KCNAB2: variants seen among roughly 807,000 people sequenced by gnomAD.
The protein encoded by KCNAB2 is voltage-gated potassium channel subunit beta-2.
In KCNAB2, 29 loss-of-function variants were observed where a neutral mutation model predicts 63.6. The observed-to-expected ratio is 0.46, with a 90% CI of 0.34 to 0.62. The LOEUF is 0.62. Among genes scored for constraint, KCNAB2 ranks in the 20% least tolerant of loss-of-function variants. The pLI, the probability that KCNAB2 is intolerant of heterozygous loss-of-function variation, is 0.01. For synonymous variants in KCNAB2, 222 were observed against 224.2 expected (o/e 0.99, Z 0.09); for missense variants, 359 against 563.9 (o/e 0.64, Z 3.68).
chr1:6,012,042 G>A (rs1187330621), intron 1 of KCNAB2, among the ~76,000 whole-genome samples: 1 of 151,976 alleles, frequency 6.6e-6, no homozygotes, highest in African/African-American at 2.4e-5. Context: ...GGTGAAAGTG[G>A]AGGTGGTGGG....
In KCNAB2 at chr1:6,099,087, TG is replaced by T. The variant is rs1256145957; in HGVS notation, c.*518del. On this transcript the variant is annotated 3_prime_UTR_variant, in exon 16 of 16. Coordinates refer to ENST00000378083, the MANE Select transcript of KCNAB2 (RefSeq NM_001199862.2). ...GGTTGCTGGGGCAGGGCCTCCCCAC[TG>T]GGGGTCTTCCTCCACCTCCCACTTT... The T allele has an allele frequency of 2.0e-5, 3 of 153,406 alleles. No individual in the cohort carries two copies. Among genetic ancestry groups the T allele is most frequent in the African/African-American group, 7.2e-5 (3 of 41,486 alleles). The allele number at this position is 153,406 out of a possible 1,614,324, so 9.5% of individuals were successfully genotyped here.
At chr1:6,091,877 C>G (rs1665217988) in intron 10 of KCNAB2, among the ~76,000 whole-genome samples, 1 of 152,198 alleles carries the variant, frequency 6.6e-6, no homozygotes, top group Non-Finnish European at 1.5e-5. Flanking sequence ...CCAAAGCGCT[C>G]CATCAACGTG....
intron 1 of KCNAB2, among the ~76,000 whole-genome samples, chr1:6,050,574 GCTCA>G (rs1385279988): frequency 1.3e-5 from 2 of 152,194 alleles, no homozygotes; most frequent in Admixed American, 6.5e-5. Flanking sequence ...ATCTCTCAGG[GCTCA>G]CTCACTCACT....
intron 13 of KCNAB2, among the ~76,000 whole-genome samples, chr1:6,095,864 T>TG: frequency 1.2e-5 from 1 of 83,418 alleles, no homozygotes; most frequent in South Asian, 4.2e-4. Flanking sequence ...CCCTTTCACA[T>TG]CCCCCCCCCT....
rs920008970 is a variant in KCNAB2, at chr1:6,086,535, C to T, written c.426-932C>T. On this transcript the variant is annotated intron_variant, in intron 6 of 15. Coordinates refer to ENST00000378083, the MANE Select transcript of KCNAB2 (RefSeq NM_001199862.2). The surrounding 1 kb of genome is among the most constrained non-coding windows in gnomAD (Gnocchi z 4.2). ...CTGCTTCCCTGAGCAGCCCGGGACC[C>T]GGGTGGGAAAGAAGCTCAGCCATGG... Among the ~76,000 whole-genome samples, 1 of 152,056 alleles carries T rather than the reference C, an allele frequency of 6.6e-6. No individual in the cohort carries two copies. The highest frequency in any genetic ancestry group is 2.4e-5 in the African/African-American group (1 of 41,382).
At chr1:6,030,299 G>GGTGGA (rs1659491582), upstream of KCNAB2, among the ~76,000 whole-genome samples, 1 of 152,186 alleles carries the variant, frequency 6.6e-6, no homozygotes, top group Admixed American at 6.5e-5. Flanking sequence ...TGCATATGTA[G>GGTGGA]CAGGGTGGAC....
At chr1:6,002,180 C>T (rs1286061818) in intron 1 of KCNAB2, among the ~76,000 whole-genome samples, 1 of 152,242 alleles carries the variant, frequency 6.6e-6, no homozygotes, top group East Asian at 1.9e-4. Context: ...ATTTCATCTC[C>T]CCTGGCCGTG....
At position 6,100,098 on chromosome 1, in the gene KCNAB2, G is replaced by A. The variant is rs1665933170; in HGVS notation, c.*1524G>A. 2.8e-6 allele frequency: 4 copies of A among 1,448,992 alleles called. 1 individual carries two copies. In the South Asian group the frequency reaches 4.4e-5, roughly 16 times the overall value. The allele number at this position is 1,448,992 out of a possible 1,614,324, so 89.8% of individuals were successfully genotyped here. ...CCTCTGTTCCCGCTTTGCCCCTGGA[G>A]GAGCCACTATTCCAGAAGGCTCCAC... On this transcript the variant is annotated 3_prime_UTR_variant, in exon 16 of 16. Coordinates refer to ENST00000378083, the MANE Select transcript of KCNAB2 (RefSeq NM_001199862.2).
upstream of KCNAB2, among the ~76,000 whole-genome samples, chr1:6,031,748 G>A (rs1362342695): frequency 6.6e-6 from 1 of 150,938 alleles, no homozygotes; most frequent in Non-Finnish European, 1.5e-5. This position sits in a 1 kb window ranked among gnomAD's most constrained non-coding sequence, Gnocchi z 4.1. Context: ...AAATAGCCAG[G>A]CTGGGTGGCA....
At chr1:6,097,468 T>C (rs1408944759) in intron 15 of KCNAB2, 111 bp downstream of exon 15, 1 of 1,530,324 alleles carries the variant, frequency 6.5e-7, no homozygotes, top group African/African-American at 1.4e-5. Flanking sequence ...GCACTCAGGA[T>C]GCGCCCGTGA....
chr1:6,051,814 T>C (rs568466592), intron 2 of KCNAB2, 60 bp downstream of exon 2: 2 of 1,480,410 alleles, frequency 1.4e-6, no homozygotes, highest in East Asian at 2.5e-5. Flanking sequence ...TATAAATATG[T>C]ATAAAAGGGC....
chr1:6,057,691 G>A (rs757114250), intron 2 of KCNAB2, among the ~76,000 whole-genome samples: 15 of 152,160 alleles, frequency 9.9e-5, no homozygotes, highest in Non-Finnish European at 1.8e-4. Context: ...TACTTCCTCC[G>A]AAGGCCCCAG....
chr1:6,063,293 G>A (rs1662474951), intron 2 of KCNAB2, among the ~76,000 whole-genome samples: 1 of 151,904 alleles, frequency 6.6e-6, no homozygotes, highest in Admixed American at 6.6e-5. Context: ...AAAGTTCTGG[G>A]ATTACAAGTG....
chr1:6,090,484 T>G lies in KCNAB2; in HGVS notation c.601+9T>G. 3 of 1,609,670 alleles carry G rather than the reference T, an allele frequency of 1.9e-6. No individual in the cohort carries two copies. The highest frequency in any genetic ancestry group is 2.5e-6 in the Non-Finnish European group (3 of 1,176,814). ...CAACACCCCGATGGAAGGTAGGTGG[T>G]CTGCGGCGGCGCCACCGGTTAGGCC... On this transcript the variant is annotated intron_variant, in intron 9 of 15. Transcript: ENST00000378083.
chr1:6,032,573 T>A (rs1190508325), upstream of KCNAB2, among the ~76,000 whole-genome samples: 6 of 134,566 alleles, frequency 4.5e-5, no homozygotes, highest in African/African-American at 8.5e-5. Context: ...GAGACTCTGT[T>A]AAAAAAAAAA....
intron 4 of KCNAB2, among the ~76,000 whole-genome samples, chr1:6,076,406 C>G (rs1214367748): frequency 6.6e-6 from 1 of 152,236 alleles, no homozygotes; most frequent in African/African-American, 2.4e-5. Context: ...GGTTTCAGGT[C>G]TCCAGCCCTC....
chr1:6,017,348 TCCTCCCATCTCGG>T (rs1393013549), intron 1 of KCNAB2, among the ~76,000 whole-genome samples: 3 of 151,882 alleles, frequency 2.0e-5, no homozygotes, highest in African/African-American at 7.3e-5. Context: ...GCTCAGGCCA[TCCTCCCATCTCGG>T]CCTCCCAGGT....
At chr1:6,036,777 G>T (rs990854641) in intron 1 of KCNAB2, among the ~76,000 whole-genome samples, 1 of 152,078 alleles carries the variant, frequency 6.6e-6, no homozygotes, top group Non-Finnish European at 1.5e-5. Flanking sequence ...TCAGGGGTCT[G>T]GGAAGCAGCA....
chr1:6,022,116 G>A (rs1483591156), intron 1 of KCNAB2, among the ~76,000 whole-genome samples: 3 of 151,940 alleles, frequency 2.0e-5, no homozygotes, highest in African/African-American at 7.3e-5. Flanking sequence ...GTATAGTTCA[G>A]TGGTATCGAG....
Sources: gnomAD v4.1 joint callset for allele counts (sites outside exome capture counted in the v4.1 genomes callset) on GRCh38, gnomAD v4.1.1 for gene constraint, Gnocchi (gnomAD v3.1) non-coding constraint, MANE v1.5 for transcripts, NCBI Gene and HGNC (gene_info 2026-07-23, HGNC 2026-07-21) for gene names.